The following FAHD2B variants were observed in gnomAD, a reference collection of about 807,000 sequenced individuals.
FAHD2B encodes fumarylacetoacetate hydrolase domain containing 2B.
In FAHD2B, 26 loss-of-function variants were observed where a neutral mutation model predicts 33.7. That is an observed-to-expected ratio of 0.77 (90% CI 0.57 to 1.07). The LOEUF is 1.07. FAHD2B is among the 50% of genes least tolerant of loss of function. FAHD2B has a pLI of 0.00. For synonymous variants in FAHD2B, 108 were observed against 150.9 expected, an observed-to-expected ratio of 0.72 and a Z score of 2.08; for missense variants, 272 against 388.1, an observed-to-expected ratio of 0.70 and a Z score of 2.51.
rs375760322 is a variant in FAHD2B, at chr2:97,083,981, G to A, written c.849C>T (p.Val283=). 29 of 1,613,652 alleles carry A rather than the reference G, an allele frequency of 1.8e-5. No homozygotes were observed. In the African/African-American group the frequency reaches 2.4e-4, roughly 13 times the overall value. The change falls in exon 8 of 9, where the codon GTC becomes GTT. Residue 283 remains valine (V), a synonymous_variant. Coordinates refer to ENST00000414820, the MANE Select transcript of FAHD2B (RefSeq NM_001320848.2). ...AGACAGGAGGTTTCCTGAATACACC[G>A]ACACCTGGGGGGGTCCCAGTTAGGA... ...DVILTGTPPG[V]GVFRKPPVFL... is the part of the protein sequence containing the mutation.
intron 6 of FAHD2B, among the ~76,000 whole-genome samples, chr2:97,084,927 A>G (rs2031869269): frequency 6.7e-6 from 1 of 148,644 alleles, no homozygotes; most frequent in Non-Finnish European, 1.5e-5. Context: ...AAAAAAAAAA[A>G]GACTCAGAAT....
chr2:97,083,853 C>T (rs1223015511), intron 8 of FAHD2B, 36 bp from the exon 9 acceptor site: 2 of 1,614,086 alleles, frequency 1.2e-6, no homozygotes, highest in South Asian at 2.2e-5. Flanking sequence ...GTCAGCCCTT[C>T]CGTCAGACAC....
chr2:97,081,570 C>T, downstream of FAHD2B: 2 of 1,521,516 alleles, frequency 1.3e-6, no homozygotes, highest in Non-Finnish European at 1.8e-6. Context: ...CTCCTCCAGC[C>T]TCCCACCCTG....
At position 97,084,234 on chromosome 2, in the gene FAHD2B, G is replaced by C. The variant is rs557448239; in HGVS notation, c.729C>G (p.Val243=). 5.7e-5 allele frequency: 92 copies of C among 1,613,728 alleles called. 1 individual carries two copies. Among genetic ancestry groups the C allele is most frequent in the East Asian group, 3.8e-4 (17 of 44,878 alleles). Residue 243 remains valine (V), a synonymous_variant, in exon 7 of 9, where the codon GTC becomes GTG. Coordinates refer to ENST00000414820, the MANE Select transcript of FAHD2B (RefSeq NM_001320848.2). ...LKICCRVNGE[V]VQSSNTNQMV... Reference sequence around the variant, plus strand: ...TCTGGTTGGTGTTGCTGCTCTGGACGACTTCCCCATTCACTCGGCAGCAGA... The same window carrying C: ...TCTGGTTGGTGTTGCTGCTCTGGACCACTTCCCCATTCACTCGGCAGCAGA...
rs149233824 is a variant in FAHD2B, at chr2:97,085,720, C to T, written c.664G>A (p.Val222Met). 1,421 of 1,613,818 alleles carry T rather than the reference C, an allele frequency of 8.8e-4. 8 individuals are homozygous for T. The highest frequency in any genetic ancestry group is 3.8e-3 in the Admixed American group (227 of 59,948). The change falls in exon 6 of 9, where the codon GTG becomes ATG. Residue 222 changes from valine (V) to methionine (M), a missense_variant. By Grantham distance (21) the Val-to-Met change is conservative. Transcript: ENST00000414820. Reference protein sequence around the residue: ...DTFCPLGPALVTKDSVADPHN... With the variant: ...DTFCPLGPALMTKDSVADPHN... ...CTACCTGCTACACTGTCCTTGGTCA[C>T]CAAGGCAGGGCCCAGAGGGCAGAAG...
downstream of FAHD2B, chr2:97,081,443 C>G (rs1360087180): frequency 5.8e-6 from 9 of 1,565,126 alleles, no homozygotes; most frequent in Non-Finnish European, 7.8e-6. Flanking sequence ...CCCAGCCCTG[C>G]CAGTCTTCCT....
At chr2:97,092,972 A>AC (rs1359784956) in intron 1 of FAHD2B, among the ~76,000 whole-genome samples, 11 of 151,080 alleles carry the variant, frequency 7.3e-5, no homozygotes, top group African/African-American at 2.7e-4. Context: ...CTCCAAAAAA[A>AC]AAAAAAAAAA....
downstream of FAHD2B, among the ~76,000 whole-genome samples, chr2:97,080,902 T>C (rs1472177196): frequency 1.3e-5 from 2 of 152,144 alleles, no homozygotes; most frequent in Non-Finnish European, 2.9e-5. Context: ...TGTTGGTGTA[T>C]AGAAATGCTA....
At chr2:97,081,531 G>T, downstream of FAHD2B, 1 of 1,552,880 alleles carries the variant, frequency 6.4e-7, no homozygotes, top group Non-Finnish European at 8.7e-7. Flanking sequence ...CAGGGCAGTT[G>T]GAGACAAGAT....
chr2:97,083,424 TGATAAACAAGGG>T (rs1281069778), downstream of FAHD2B, among the ~76,000 whole-genome samples: 2 of 152,062 alleles, frequency 1.3e-5, no homozygotes, highest in African/African-American at 2.4e-5. Context: ...TCCTTTGATG[TGATAAACAAGGG>T]GACGAGACGA....
At chr2:97,079,596 C>G (rs1404041029), downstream of FAHD2B, among the ~76,000 whole-genome samples, 3 of 150,782 alleles carry the variant, frequency 2.0e-5, no homozygotes, top group Non-Finnish European at 3.0e-5. Flanking sequence ...CTTTTCATGT[C>G]CTTTGCCCAC....
chr2:97,088,950 G>A (rs952837759), intron 4 of FAHD2B, among the ~76,000 whole-genome samples: 37 of 152,108 alleles, frequency 2.4e-4, no homozygotes, highest in Non-Finnish European at 4.1e-4. Flanking sequence ...GAGAGGGCAA[G>A]GGAGAGAAAG....
chr2:97,078,947 T>G (rs1004536216), downstream of FAHD2B, among the ~76,000 whole-genome samples: 1 of 152,044 alleles, frequency 6.6e-6, no homozygotes, highest in Non-Finnish European at 1.5e-5. Flanking sequence ...CCAGTGTGCA[T>G]TGTTCCTTTC....
At chr2:97,082,050 G>T, downstream of FAHD2B, 1 of 1,586,796 alleles carries the variant, frequency 6.3e-7, no homozygotes, top group Non-Finnish European at 8.6e-7. Flanking sequence ...TGTGGAAACC[G>T]AGTGGGGATT....
rs1050983288 is a variant in FAHD2B at position 97,091,376 on chromosome 2, C to T, written c.245+86G>A. ...GTTACTCTGCTCCCTTGCAAAAGAG[C>T]TACCTGCTGGTGCTGTTTCCCAGAG... On this transcript the variant is annotated intron_variant, in intron 3 of 8. Coordinates refer to ENST00000414820, the MANE Select transcript of FAHD2B (RefSeq NM_001320848.2). 9.0e-5 allele frequency: 127 copies of T among 1,415,668 alleles called. No individual in the cohort carries two copies. In the Middle Eastern group the frequency reaches 4.6e-3, roughly 51 times the overall value. The allele number at this position is 1,415,668 out of a possible 1,614,324, so 87.7% of individuals were successfully genotyped here.
intron 4 of FAHD2B, among the ~76,000 whole-genome samples, chr2:97,088,244 G>A (rs1165236723): frequency 6.6e-6 from 1 of 152,092 alleles, no homozygotes; most frequent in Non-Finnish European, 1.5e-5. Flanking sequence ...GACACTCAAA[G>A]CGTAATATTT....
chr2:97,078,992 C>T (rs973648042), downstream of FAHD2B, among the ~76,000 whole-genome samples: 7 of 152,074 alleles, frequency 4.6e-5, no homozygotes, highest in African/African-American at 1.2e-4. Context: ...TTAGCTCCCA[C>T]TTATAAGTAA....
intron 2 of FAHD2B, 58 bp from the exon 3 acceptor site, chr2:97,091,770 C>G: frequency 6.4e-7 from 1 of 1,564,452 alleles, no homozygotes; most frequent in Admixed American, 1.8e-5. Context: ...TCATCAGCAT[C>G]CCTGATATTC....
downstream of FAHD2B, chr2:97,082,268 T>G: frequency 6.4e-7 from 1 of 1,572,936 alleles, no homozygotes; most frequent in South Asian, 1.1e-5. Context: ...GCTCAAGGCC[T>G]TTGCACAGGC....
Sources: allele counts gnomAD v4.1 joint callset (sites outside exome capture counted in the v4.1 genomes callset), GRCh38; gene constraint gnomAD v4.1.1; transcripts MANE v1.5; gene names NCBI Gene and HGNC (gene_info 2026-07-23, HGNC 2026-07-21).